The following ZNF676 variants were observed in gnomAD, a reference collection of about 807,000 sequenced individuals.
ZNF676 encodes the protein zinc finger protein 676.
ZNF676 carries 4 observed loss-of-function variants against 6.0 expected under a neutral mutation model. The observed-to-expected ratio is 0.67, with a 90% CI of 0.33 to 1.53. The LOEUF (loss-of-function observed/expected upper bound fraction) is 1.53, where lower values mean the gene tolerates loss of function less well. ZNF676 is among the 40% of genes most tolerant of loss of function. The pLI, the probability that ZNF676 is intolerant of heterozygous loss-of-function variation, is 0.06. For missense variants in ZNF676, 644 were observed against 679.7 expected, an observed-to-expected ratio of 0.95 and a Z score of 0.58; for synonymous variants, 198 against 223.1, an observed-to-expected ratio of 0.89 and a Z score of 1.00.
chr19:22,213,551 CAGG>C (rs2024152587), intron 1 of ZNF676, among the ~76,000 whole-genome samples: 1 of 151,950 alleles, frequency 6.6e-6, no homozygotes, highest in Admixed American at 6.6e-5. Flanking sequence ...GGTTGTCCTA[CAGG>C]AGATGAGAGG....
At chr19:22,224,302 T>G in the ZNF676 span, among the ~76,000 whole-genome samples, 1 of 151,754 alleles carries the variant, frequency 6.6e-6, no homozygotes. Context: ...GTATTATAAT[T>G]CTAGACAATT....
At chr19:22,223,053 T>C in the ZNF676 span, among the ~76,000 whole-genome samples, 1 of 152,112 alleles carries the variant, frequency 6.6e-6, no homozygotes, top group Non-Finnish European at 1.5e-5. Context: ...TGGCTACAAA[T>C]GGGTGTCTTC....
In ZNF676 at chr19:22,179,749, G is replaced by A. The variant is rs2023701167; in HGVS notation, c.*201C>T. ...TCTCTTATGTTCCACAAGGTTTGAG[G>A]ACCGGTTGAAGCCTTTGTCACATTC... On this transcript the variant is annotated 3_prime_UTR_variant, in exon 3 of 3. Coordinates refer to ENST00000397121, the MANE Select transcript of ZNF676 (RefSeq NM_001001411.3). 2.6e-6 allele frequency: 2 copies of A among 771,176 alleles called. No individual in the cohort carries two copies. Among genetic ancestry groups the A allele is most frequent in the Admixed American group, 4.2e-5 (2 of 47,972 alleles). 47.8% of individuals were successfully genotyped at this position (771,176 alleles called of 1,614,324 possible).
intron 2 of ZNF676, among the ~76,000 whole-genome samples, chr19:22,185,527 G>C (rs1489181248): frequency 6.7e-6 from 1 of 150,130 alleles, no homozygotes; most frequent in Non-Finnish European, 1.5e-5. Context: ...GAATGAGTTT[G>C]ACGAATTGAC....
intron 1 of ZNF676, among the ~76,000 whole-genome samples, chr19:22,209,012 T>A (rs562785673): frequency 6.6e-6 from 1 of 151,580 alleles, no homozygotes; most frequent in East Asian, 2.0e-4. Context: ...ACACCTGTAA[T>A]CCCAGCACTT....
chr19:22,208,384 G>A (rs1408239102), intron 1 of ZNF676, among the ~76,000 whole-genome samples: 1 of 151,682 alleles, frequency 6.6e-6, no homozygotes, highest in Non-Finnish European at 1.5e-5. Flanking sequence ...AAATGCAAAA[G>A]AAAACCACAA....
chr19:22,217,297 G>A (rs190445427), upstream of ZNF676, among the ~76,000 whole-genome samples: 1,850 of 152,262 alleles, frequency 0.012, 21 homozygotes, highest in Non-Finnish European at 0.019. Flanking sequence ...CTGCCTCCCA[G>A]GTTCAAGCGA....
At chr19:22,231,309 T>C in the ZNF676 span, among the ~76,000 whole-genome samples, 2 of 151,622 alleles carry the variant, frequency 1.3e-5, no homozygotes, top group Non-Finnish European at 2.9e-5. Context: ...GAGAGAAAAT[T>C]AGAGACAAAG....
chr19:22,221,750 A>G, the ZNF676 span, among the ~76,000 whole-genome samples: 1 of 16,352 alleles, frequency 6.1e-5, no homozygotes, highest in Non-Finnish European at 1.0e-4. Flanking sequence ...GACTGTCACA[A>G]AAAAAAAAAA....
At chr19:22,235,147 GGAAGGAAA>G in the ZNF676 span, among the ~76,000 whole-genome samples, 3 of 147,376 alleles carry the variant, frequency 2.0e-5, no homozygotes, top group African/African-American at 7.7e-5. Flanking sequence ...AAGGAAGGAA[GGAAGGAAA>G]GAAAGAAAGA....
At chr19:22,222,780 T>G in the ZNF676 span, among the ~76,000 whole-genome samples, 33 of 152,200 alleles carry the variant, frequency 2.2e-4, no homozygotes, top group Non-Finnish European at 4.1e-4. Flanking sequence ...AGTTGGCTTG[T>G]TACAAAAGGC....
chr19:22,184,662 G>A (rs530647033), intron 2 of ZNF676, among the ~76,000 whole-genome samples: 19 of 151,850 alleles, frequency 1.3e-4, no homozygotes, highest in African/African-American at 4.3e-4. Flanking sequence ...GCTTGACCTG[G>A]GAAGCTCGAG....
chr19:22,235,122 AG>A, the ZNF676 span, among the ~76,000 whole-genome samples: 8 of 4,294 alleles, frequency 1.9e-3, no homozygotes, highest in African/African-American at 6.4e-3. Context: ...GCAGGAAGGC[AG>A]GAAGGAAGGA....
At chr19:22,190,630 CATATATATATATAT>C (rs74174059) in intron 2 of ZNF676, among the ~76,000 whole-genome samples, 2,080 of 66,840 alleles carry the variant, frequency 0.031, 109 homozygotes, top group African/African-American at 0.085. Flanking sequence ...TAGAATGCAA[CATATATATATATAT>C]ATATATATAT....
chr19:22,181,575 G>T lies in ZNF676; in HGVS notation c.142C>A (p.His48Asn). 1 of 1,564,696 alleles carries T rather than the reference G, an allele frequency of 6.4e-7. No homozygotes were observed. Among genetic ancestry groups the T allele is most frequent in the South Asian group, 1.2e-5 (1 of 82,822 alleles). Residue 48 changes from histidine to asparagine, a missense_variant, in exon 3 of 3, where the codon CAT (histidine) becomes AAT (asparagine). His to Asn is a moderately conservative substitution (Grantham distance 68). Transcript: ENST00000397121. ...MVEEPPVICS[H>N]FSQEFWPEQG... Reference sequence around the variant, plus strand: ...TCTGGCCAAAACTCTTGGGAAAAATGAGAACATATAACTGAAAAGAAATAA... The same window carrying T: ...TCTGGCCAAAACTCTTGGGAAAAATTAGAACATATAACTGAAAAGAAATAA...
upstream of ZNF676, among the ~76,000 whole-genome samples, chr19:22,216,280 C>T (rs145525902): frequency 8.8e-3 from 1,344 of 152,064 alleles, 24 homozygotes; most frequent in African/African-American, 0.031. Context: ...ACTAAAAATA[C>T]GAACATTAGT....
At chr19:22,224,696 A>C in the ZNF676 span, among the ~76,000 whole-genome samples, 1 of 152,318 alleles carries the variant, frequency 6.6e-6, no homozygotes, top group Admixed American at 6.5e-5. Flanking sequence ...AATCTATTTA[A>C]GTGTACATTT....
chr19:22,244,610 T>G, the ZNF676 span: 1 of 152,274 alleles, frequency 6.6e-6, no homozygotes, highest in East Asian at 1.9e-4. Context: ...CATAACCTGG[T>G]GGCCGAGCCC....
the ZNF676 span, among the ~76,000 whole-genome samples, chr19:22,234,447 C>G: frequency 6.6e-6 from 1 of 152,184 alleles, no homozygotes; most frequent in Non-Finnish European, 1.5e-5. Context: ...TGATGGAATG[C>G]TGTTGTGCAT....
Sources: gnomAD v4.1 joint callset for allele counts (sites outside exome capture counted in the v4.1 genomes callset) on GRCh38, gnomAD v4.1.1 for gene constraint, MANE v1.5 for transcripts, NCBI Gene and HGNC (gene_info 2026-07-23, HGNC 2026-07-21) for gene names.